The following SH3KBP1 variants were observed in gnomAD, a reference collection of about 807,000 sequenced individuals.
SH3KBP1 encodes SH3 domain-containing kinase-binding protein 1.
A neutral mutation model predicts 50.1 loss-of-function variants in SH3KBP1; 8 were observed. That is an observed-to-expected ratio of 0.16 (90% CI 0.09 to 0.29). The LOEUF (loss-of-function observed/expected upper bound fraction) is 0.29, where lower values mean the gene tolerates loss of function less well. Among genes scored for constraint, SH3KBP1 ranks in the 10% least tolerant of loss-of-function variants. The pLI is 1.00. For synonymous variants in SH3KBP1, 227 were observed against 218.6 expected (o/e 1.04, Z -0.34); for missense variants, 377 against 535.2 (o/e 0.70, Z 2.92).
intron 6 of SH3KBP1, among the ~76,000 whole-genome samples, chrX:19,679,357 A>G (rs752532534): frequency 5.4e-5 from 6 of 111,987 alleles, no homozygotes; most frequent in African/African-American, 1.9e-4. Flanking sequence ...TCATATTTAG[A>G]AAGTATTTTC....
At chrX:19,844,079 T>G (rs972720172) in intron 1 of SH3KBP1, among the ~76,000 whole-genome samples, 3 of 111,489 alleles carry the variant, frequency 2.7e-5, no homozygotes, top group Admixed American at 9.5e-5. Context: ...GTGTTTAAAA[T>G]CAGAAGGTGA....
intron 3 of SH3KBP1, among the ~76,000 whole-genome samples, chrX:19,719,417 A>AC (rs1262379032): frequency 2.8e-5 from 3 of 108,982 alleles, no homozygotes; most frequent in Admixed American, 9.9e-5. Context: ...TTAACATCTG[A>AC]CCCCCCCAAA....
intron 12 of SH3KBP1, among the ~76,000 whole-genome samples, chrX:19,578,371 A>T (rs1214466409): frequency 1.8e-5 from 2 of 111,631 alleles, no homozygotes; most frequent in African/African-American, 6.5e-5. Flanking sequence ...CGGGTGCCTG[A>T]GGATACAAGG....
intron 8 of SH3KBP1, among the ~76,000 whole-genome samples, chrX:19,628,745 G>A (rs1183604810): frequency 2.7e-5 from 3 of 111,914 alleles, no homozygotes; most frequent in African/African-American, 9.7e-5. Context: ...CAAGCAGCAT[G>A]AGTTAAGACT....
At chrX:19,887,077 C>T (rs1018507922) in intron 1 of SH3KBP1, among the ~76,000 whole-genome samples, 2 of 111,666 alleles carry the variant, frequency 1.8e-5, no homozygotes, top group African/African-American at 6.5e-5. Flanking sequence ...CCCCCGTGAT[C>T]GTCTGCTCAG....
intron 4 of SH3KBP1, among the ~76,000 whole-genome samples, chrX:19,699,145 T>C (rs1603043863): frequency 8.9e-6 from 1 of 112,072 alleles, no homozygotes; most frequent in East Asian, 2.8e-4. Context: ...TGGGGACAGA[T>C]TCACTGCTGA....
chrX:19,879,238 C>G (rs1332828962), intron 1 of SH3KBP1, among the ~76,000 whole-genome samples: 1 of 112,153 alleles, frequency 8.9e-6, no homozygotes, highest in Non-Finnish European at 1.9e-5. Flanking sequence ...GAGTGAGACC[C>G]TGTCTCAAAA....
At chrX:19,572,354 A>ATG (rs1462045883) in intron 12 of SH3KBP1, among the ~76,000 whole-genome samples, 16 of 100,111 alleles carry the variant, frequency 1.6e-4, no homozygotes, top group East Asian at 2.8e-4. Flanking sequence ...GTACATATAT[A>ATG]TGTATATATA....
At chrX:19,819,973 G>A (rs1215291269) in intron 2 of SH3KBP1, among the ~76,000 whole-genome samples, 1 of 111,505 alleles carries the variant, frequency 9.0e-6, no homozygotes, top group Non-Finnish European at 1.9e-5. Flanking sequence ...TTGACCTGTG[G>A]ATTATTTAGA....
intron 2 of SH3KBP1, among the ~76,000 whole-genome samples, chrX:19,817,592 C>T (rs1490034119): frequency 8.9e-6 from 1 of 112,035 alleles, no homozygotes; most frequent in East Asian, 2.8e-4. Flanking sequence ...GATTATAATA[C>T]CATACTTCTA....
intron 17 of SH3KBP1, among the ~76,000 whole-genome samples, chrX:19,537,022 G>T (rs1439788463): frequency 8.9e-6 from 1 of 112,119 alleles, no homozygotes; most frequent in Non-Finnish European, 1.9e-5. Context: ...GCCCTGGCAG[G>T]ACAGAAATGG....
At chrX:19,809,621 G>A (rs2067151326) in intron 2 of SH3KBP1, among the ~76,000 whole-genome samples, 1 of 112,605 alleles carries the variant, frequency 8.9e-6, no homozygotes, top group Non-Finnish European at 1.9e-5. Context: ...ATCTTAAAAT[G>A]TGCATGTTTA....
chrX:19,833,776 A>G (rs1168862627), intron 2 of SH3KBP1, among the ~76,000 whole-genome samples: 1 of 111,415 alleles, frequency 9.0e-6, no homozygotes, highest in Non-Finnish European at 1.9e-5. Context: ...TTCTTCCTTC[A>G]TCTTCACTCT....
intron 12 of SH3KBP1, among the ~76,000 whole-genome samples, chrX:19,576,302 T>C (rs1019203793): frequency 9.1e-6 from 1 of 110,328 alleles, no homozygotes; most frequent in Non-Finnish European, 1.9e-5. Context: ...CAGGTATAAG[T>C]AGAACCTATG....
At chrX:19,746,586 G>A (rs1483983) in intron 2 of SH3KBP1, 145 bp from the exon 3 acceptor site, 99,437 of 569,063 alleles carry the variant, frequency 0.17, 9,249 homozygotes, top group African/African-American at 0.56. Context: ...ACCATTTTCT[G>A]TATCTTTGTA....
Position 19,594,834 on chromosome X carries a change from G to T in SH3KBP1, c.1057+115C>A, listed in dbSNP as rs41311797. 338 of 554,325 alleles carry T rather than the reference G, an allele frequency of 6.1e-4. 1 individual carries two copies. In the Middle Eastern group the frequency reaches 6.8e-3, roughly 11 times the overall value. The allele number at this position is 554,325 out of a possible 1,213,427, so 45.7% of individuals were successfully genotyped here. ...CTGAGACCAAATCGTAACTTCCCAA[G>T]TAGTCAATCTATGGCACTTGAACCA... On this transcript the variant is annotated intron_variant, in intron 10 of 17. Coordinates refer to ENST00000397821, the MANE Select transcript of SH3KBP1 (RefSeq NM_031892.3).
chrX:19,695,471 G>A, intron 5 of SH3KBP1, 141 bp downstream of exon 5: 1 of 671,855 alleles, frequency 1.5e-6, no homozygotes, highest in Non-Finnish European at 2.3e-6. Flanking sequence ...AAACCACAGT[G>A]GGTTAAGGCA....
intron 2 of SH3KBP1, among the ~76,000 whole-genome samples, chrX:19,803,110 C>T (rs1371495716): frequency 2.7e-5 from 3 of 111,813 alleles, no homozygotes; most frequent in Admixed American, 1.9e-4. Flanking sequence ...TCACACTTAG[C>T]GCTCTGCTTC....
intron 1 of SH3KBP1, among the ~76,000 whole-genome samples, chrX:19,868,624 T>A (rs187463283): frequency 9.6e-6 from 1 of 104,048 alleles, no homozygotes; most frequent in Non-Finnish European, 2.0e-5. Context: ...CAGGGCTACA[T>A]CTGCATAAAC....
Sources: allele counts gnomAD v4.1 joint callset (sites outside exome capture counted in the v4.1 genomes callset), GRCh38; gene constraint gnomAD v4.1.1; transcripts MANE v1.5; gene names NCBI Gene and HGNC (gene_info 2026-07-23, HGNC 2026-07-21).